NTM: variants seen among roughly 807,000 people sequenced by gnomAD.
The protein encoded by NTM is neurotrimin, also known as IgLON family member 2.
Under a neutral mutation model 42.1 loss-of-function variants are expected in NTM, and 13 were observed. The observed-to-expected ratio is 0.31, with a 90% confidence interval of 0.20 to 0.49. The LOEUF is 0.49. Ranked by LOEUF, NTM falls within the 20% of genes least tolerant of loss-of-function variation. The probability of loss-of-function intolerance (pLI) is 0.99; values close to 1 mark genes in which losing one functional copy is unlikely to be tolerated. For synonymous variants in NTM, 187 were observed against 179.2 expected, an observed-to-expected ratio of 1.04 and a Z score of -0.35; for missense variants, 373 against 452.8, an observed-to-expected ratio of 0.82 and a Z score of 1.60.
At chr11:132,232,562 CTT>C (rs1167462396) in intron 4 of NTM, among the ~76,000 whole-genome samples, 1 of 152,220 alleles carries the variant, frequency 6.6e-6, no homozygotes, top group Admixed American at 6.5e-5. Context: ...TGGTTTGCCT[CTT>C]TGCTCTGCCA....
At chr11:132,282,867 T>G (rs1300445657) in intron 4 of NTM, among the ~76,000 whole-genome samples, 1 of 152,134 alleles carries the variant, frequency 6.6e-6, no homozygotes, top group African/African-American at 2.4e-5. Flanking sequence ...ATATAATATA[T>G]GCCATTTTAA....
At chr11:131,716,347 T>C (rs1447997806) in intron 1 of NTM, among the ~76,000 whole-genome samples, 4 of 152,104 alleles carry the variant, frequency 2.6e-5, no homozygotes, top group African/African-American at 7.2e-5. Flanking sequence ...ATTCAGACCA[T>C]AGCCTAAGGT....
intron 4 of NTM, among the ~76,000 whole-genome samples, 196 bp downstream of exon 4, chr11:132,212,343 T>C (rs1352695319): frequency 6.6e-6 from 1 of 152,186 alleles, no homozygotes; most frequent in East Asian, 1.9e-4. Context: ...ATTTCAGAAT[T>C]CATACCTCAG....
chr11:131,429,784 A>T (rs999585513), intron 1 of NTM, among the ~76,000 whole-genome samples: 11 of 152,236 alleles, frequency 7.2e-5, no homozygotes, highest in Admixed American at 7.2e-4. Context: ...CATATTCAGT[A>T]GGATTTATAA....
In NTM at chr11:132,071,979, G is replaced by C. The variant is rs191064192; in HGVS notation, c.168-74303G>C. ...TCTTGGAGAACTCAGAGGTAATACA[G>C]ATAGTGGTTCTTATAGGGATTGGCT... On this transcript the variant is annotated intron_variant, in intron 2 of 8. Transcript: ENST00000683400. 5.8e-3 allele frequency among the ~76,000 whole-genome samples: 886 copies of C among 152,250 alleles called. 7 individuals carry two copies. Among genetic ancestry groups the C allele is most frequent in the African/African-American group, 0.02 (850 of 41,546 alleles).
intron 1 of NTM, among the ~76,000 whole-genome samples, chr11:131,678,676 A>T (rs2071865835): frequency 6.6e-6 from 1 of 152,084 alleles, no homozygotes; most frequent in African/African-American, 2.4e-5. Flanking sequence ...CTCTTCTCCC[A>T]TCTCTTTCTT....
At chr11:132,156,853 C>T (rs2073298185) in intron 3 of NTM, among the ~76,000 whole-genome samples, 1 of 152,148 alleles carries the variant, frequency 6.6e-6, no homozygotes, top group African/African-American at 2.4e-5. Flanking sequence ...AATGCAATCA[C>T]ATAAATCTTT....
intron 2 of NTM, among the ~76,000 whole-genome samples, chr11:132,106,385 T>C (rs1322057360): frequency 6.6e-6 from 1 of 152,202 alleles, no homozygotes; most frequent in East Asian, 1.9e-4. Context: ...ATGAGACAAC[T>C]GGGCTTTATC....
chr11:131,528,561 A>T (rs2050813836), intron 1 of NTM, among the ~76,000 whole-genome samples: 1 of 152,236 alleles, frequency 6.6e-6, no homozygotes, highest in Admixed American at 6.5e-5. Flanking sequence ...CCCGGTGCCC[A>T]TGATGACTTC....
intron 1 of NTM, among the ~76,000 whole-genome samples, chr11:131,491,358 TG>T (rs1470772549): frequency 6.6e-6 from 1 of 152,040 alleles, no homozygotes; most frequent in African/African-American, 2.4e-5. Flanking sequence ...AGAAGTGCAT[TG>T]GGGAGATATT....
At chr11:131,870,799 C>T (rs953476881) in intron 1 of NTM, among the ~76,000 whole-genome samples, 3 of 152,110 alleles carry the variant, frequency 2.0e-5, no homozygotes, top group African/African-American at 7.2e-5. Context: ...ACATGTACTA[C>T]CCAATACTTA....
At chr11:132,334,860 G>T in intron 8 of NTM, 186 bp from the exon 9 acceptor site, 1 of 487,630 alleles carries the variant, frequency 2.1e-6, no homozygotes, top group Non-Finnish European at 2.7e-6. Flanking sequence ...CCGTTATCTA[G>T]TGTGTGTGTC....
intron 1 of NTM, among the ~76,000 whole-genome samples, chr11:131,881,307 G>C (rs766536421): frequency 3.9e-5 from 6 of 152,078 alleles, no homozygotes; most frequent in Non-Finnish European, 4.4e-5. Flanking sequence ...CCTCTCAACG[G>C]TTTGAGGGAG....
rs148078467 is a variant in NTM at position 131,733,700 on chromosome 11, T to C, written c.83-177864T>C. ...ACAGGCACACGCCACTATGCCTGGC[T>C]AATTTTTGTATCTTTAGTAGAGATG... On this transcript the variant is annotated intron_variant, in intron 1 of 8. Coordinates refer to ENST00000683400, the MANE Select transcript of NTM (RefSeq NM_001352005.2). Among the ~76,000 whole-genome samples the C allele has an allele frequency of 2.7e-3, 416 of 152,192 alleles. 2 individuals are homozygous for C. Among genetic ancestry groups the C allele is most frequent in the Non-Finnish European group, 2.4e-3 (164 of 68,000 alleles).
intron 2 of NTM, among the ~76,000 whole-genome samples, chr11:132,089,233 G>A (rs976229854): frequency 4.6e-5 from 7 of 152,156 alleles, no homozygotes; most frequent in Admixed American, 4.6e-4. Context: ...CTTGACTGGT[G>A]CACTTTGGCT....
intron 1 of NTM, among the ~76,000 whole-genome samples, chr11:131,875,508 G>A (rs1036046527): frequency 6.6e-6 from 1 of 152,218 alleles, no homozygotes; most frequent in Non-Finnish European, 1.5e-5. Flanking sequence ...AAGCACTGTT[G>A]TGCACTGTGG....
chr11:132,284,666 G>A (rs1216271826), intron 4 of NTM: 5 of 152,794 alleles, frequency 3.3e-5, no homozygotes, highest in South Asian at 2.1e-4. Context: ...TTACGGATTT[G>A]GGGTGGGAGC....
chr11:132,135,955 G>T (rs1007204366), intron 2 of NTM, among the ~76,000 whole-genome samples: 3 of 152,150 alleles, frequency 2.0e-5, no homozygotes, highest in African/African-American at 7.2e-5. Context: ...TCCCCAAGGT[G>T]CCACGTCACC....
chr11:131,616,812 T>TGTGTGTGTG (rs71067325), intron 1 of NTM, among the ~76,000 whole-genome samples: 3 of 143,240 alleles, frequency 2.1e-5, no homozygotes. Flanking sequence ...TGTGTGTGTG[T>TGTGTGTGTG]TGTTTGGTTT....
Sources: allele counts gnomAD v4.1 joint callset (sites outside exome capture counted in the v4.1 genomes callset), GRCh38; gene constraint gnomAD v4.1.1; transcripts MANE v1.5; gene names NCBI Gene and HGNC (gene_info 2026-07-23, HGNC 2026-07-21).